SLC35F1: variants seen among roughly 807,000 people sequenced by gnomAD.
SLC35F1 encodes the protein solute carrier family 35 member F1, also known as chromosome 6 open reading frame 169.
SLC35F1 carries 14 observed loss-of-function variants against 48.7 expected under a neutral mutation model. The ratio of observed to expected loss-of-function variants is 0.29; its 90% CI spans 0.19 to 0.45. The LOEUF is 0.45. SLC35F1 is among the 20% of genes least tolerant of loss of function. SLC35F1 has a pLI of 1.00. For synonymous variants in SLC35F1, 190 were observed against 202.2 expected, an observed-to-expected ratio of 0.94 and a Z score of 0.51; for missense variants, 404 against 500.0, an observed-to-expected ratio of 0.81 and a Z score of 1.83.
chr6:118,089,973 CAG>C (rs1329700467), intron 1 of SLC35F1, among the ~76,000 whole-genome samples: 1 of 152,166 alleles, frequency 6.6e-6, no homozygotes, highest in Non-Finnish European at 1.5e-5. Flanking sequence ...GTCTTGGAAA[CAG>C]ATTGATCAGT....
At chr6:117,968,215 C>A (rs753276141) in intron 1 of SLC35F1, among the ~76,000 whole-genome samples, 1 of 152,112 alleles carries the variant, frequency 6.6e-6, no homozygotes, top group East Asian at 1.9e-4. Flanking sequence ...AAAATAAGAA[C>A]CTCATTTTAA....
chr6:117,908,562 T>A (rs947870793), intron 1 of SLC35F1, among the ~76,000 whole-genome samples: 1 of 152,194 alleles, frequency 6.6e-6, no homozygotes, highest in African/African-American at 2.4e-5. Flanking sequence ...GCCCAGTTAT[T>A]CCGAAGCGCC....
chr6:117,963,662 T>G (rs1776525281), intron 1 of SLC35F1, among the ~76,000 whole-genome samples: 1 of 152,152 alleles, frequency 6.6e-6, no homozygotes, highest in Non-Finnish European at 1.5e-5. Flanking sequence ...CTTGAATACT[T>G]TATGTATTTT....
chr6:118,153,647 G>A (rs1177579417), intron 1 of SLC35F1, among the ~76,000 whole-genome samples: 1 of 152,090 alleles, frequency 6.6e-6, no homozygotes, highest in Non-Finnish European at 1.5e-5. Flanking sequence ...CAAAATTAAC[G>A]CCTTGACCCT....
chr6:117,932,291 T>C (rs773605234), intron 1 of SLC35F1, among the ~76,000 whole-genome samples: 2 of 152,206 alleles, frequency 1.3e-5, no homozygotes, highest in African/African-American at 2.4e-5. Flanking sequence ...TGGTATTTTG[T>C]TATAGCAGCA....
chr6:118,238,500 G>C (rs1335784295), intron 3 of SLC35F1, among the ~76,000 whole-genome samples: 1 of 151,774 alleles, frequency 6.6e-6, no homozygotes, highest in Non-Finnish European at 1.5e-5. Flanking sequence ...TCTAGTAAAA[G>C]GATGATCTTC....
chr6:117,923,629 A>ATATGTACATATACATATACG (rs1562238530), intron 1 of SLC35F1, among the ~76,000 whole-genome samples: 1 of 77,364 alleles, frequency 1.3e-5, no homozygotes, highest in African/African-American at 4.5e-5. Context: ...GTATATATAC[A>ATATGTACATATACATATACG]TATATGTACA....
chr6:118,269,278 G>A (rs939114301), intron 4 of SLC35F1, among the ~76,000 whole-genome samples: 3 of 152,202 alleles, frequency 2.0e-5, no homozygotes, highest in African/African-American at 7.2e-5. Context: ...ATACTGGAGT[G>A]GAATTTGGTT....
chr6:117,954,030 A>C (rs1776396346), intron 1 of SLC35F1, among the ~76,000 whole-genome samples: 1 of 152,168 alleles, frequency 6.6e-6, no homozygotes, highest in Non-Finnish European at 1.5e-5. Context: ...GTATAGTCTT[A>C]GGTTGTATAA....
At chr6:118,106,075 C>T (rs1340982549) in intron 1 of SLC35F1, among the ~76,000 whole-genome samples, 8 of 152,226 alleles carry the variant, frequency 5.3e-5, no homozygotes, top group African/African-American at 1.4e-4. Context: ...CATAGGAATG[C>T]GGTATCAAGC....
intron 1 of SLC35F1, among the ~76,000 whole-genome samples, chr6:117,998,240 A>T (rs1369713759): frequency 6.8e-6 from 1 of 146,674 alleles, no homozygotes; most frequent in African/African-American, 2.5e-5. Context: ...CTAAATATAT[A>T]TGCACCCAAT....
At chr6:118,095,308 C>T (rs4073803) in intron 1 of SLC35F1, among the ~76,000 whole-genome samples, 2,764 of 152,262 alleles carry the variant, frequency 0.018, 93 homozygotes, top group African/African-American at 0.063. Flanking sequence ...TTGAATATCT[C>T]AGTAAAAAGA....
At chr6:117,921,282 T>A (rs1025163573) in intron 1 of SLC35F1, among the ~76,000 whole-genome samples, 2 of 152,236 alleles carry the variant, frequency 1.3e-5, no homozygotes, top group African/African-American at 2.4e-5. Context: ...AAGCATTTAA[T>A]GTAGAATTAC....
chr6:118,132,663 G>A (rs1773732160), intron 1 of SLC35F1, among the ~76,000 whole-genome samples: 1 of 152,184 alleles, frequency 6.6e-6, no homozygotes, highest in Non-Finnish European at 1.5e-5. Context: ...GAATGATTCA[G>A]TAGAGACATT....
At chr6:117,981,421 A>G (rs1261556067) in intron 1 of SLC35F1, among the ~76,000 whole-genome samples, 1 of 152,174 alleles carries the variant, frequency 6.6e-6, no homozygotes, top group Non-Finnish European at 1.5e-5. Context: ...TGGAGAAGGG[A>G]GCAAGAGAAA....
At chr6:117,984,064 C>T (rs1191439465) in intron 1 of SLC35F1, among the ~76,000 whole-genome samples, 3 of 152,122 alleles carry the variant, frequency 2.0e-5, no homozygotes, top group African/African-American at 7.2e-5. Context: ...TAAGTAAAAA[C>T]ACATTTACTT....
intron 1 of SLC35F1, among the ~76,000 whole-genome samples, chr6:117,970,905 G>A (rs1776629330): frequency 6.6e-6 from 1 of 152,134 alleles, no homozygotes; most frequent in African/African-American, 2.4e-5. Context: ...TGGGGACACA[G>A]CCAAATCTTA....
intron 1 of SLC35F1, among the ~76,000 whole-genome samples, chr6:118,015,957 A>T (rs2114880290): frequency 6.6e-6 from 1 of 152,332 alleles, no homozygotes; most frequent in Non-Finnish European, 1.5e-5. Flanking sequence ...TATTTGCTAA[A>T]TAAATTGGTA....
intron 4 of SLC35F1, among the ~76,000 whole-genome samples, chr6:118,269,934 G>A (rs1398891686): frequency 5.3e-5 from 8 of 152,110 alleles, no homozygotes; most frequent in East Asian, 3.9e-4. Context: ...AGGCTGAGGC[G>A]GGAGGATCGC....
Sources: gnomAD v4.1 joint callset for allele counts (sites outside exome capture counted in the v4.1 genomes callset) on GRCh38, gnomAD v4.1.1 for gene constraint, MANE v1.5 for transcripts, NCBI Gene and HGNC (gene_info 2026-07-23, HGNC 2026-07-21) for gene names.